The following ZNF362 variants were observed in gnomAD, a reference collection of about 807,000 sequenced individuals.
ZNF362 encodes zinc finger protein 362, also known as rotund homolog.
Under a neutral mutation model 42.9 loss-of-function variants are expected in ZNF362, and 11 were observed. That is an observed-to-expected ratio of 0.26 (90% CI 0.16 to 0.42). The LOEUF (loss-of-function observed/expected upper bound fraction) is 0.42, where lower values mean the gene tolerates loss of function less well. Among genes scored for constraint, ZNF362 ranks in the 20% least tolerant of loss-of-function variants. The pLI is 1.00. For missense variants in ZNF362, 362 were observed against 576.2 expected (o/e 0.63, Z 3.81); for synonymous variants, 255 against 257.3 (o/e 0.99, Z 0.09).
chr1:33,182,759 A>T, the ZNF362 span, among the ~76,000 whole-genome samples: 1 of 151,464 alleles, frequency 6.6e-6, no homozygotes, highest in Admixed American at 6.6e-5. Context: ...AAAAGCATAG[A>T]GGCGTGAAAG....
In ZNF362 at chr1:33,280,558, G is replaced by C; in HGVS notation, c.683+101G>C. Reference sequence around the variant, plus strand: ...CAGCGGGGCTGAAACAGGACCCTTAGGGCTGAGGGGCAGGGCTAGGGTCCA... The same window carrying C: ...CAGCGGGGCTGAAACAGGACCCTTACGGCTGAGGGGCAGGGCTAGGGTCCA... On this transcript the variant is annotated intron_variant, in intron 5 of 8. Coordinates refer to ENST00000539719, the MANE Select transcript of ZNF362 (RefSeq NM_152493.3). This position sits in a 1 kb window ranked among gnomAD's most constrained non-coding sequence, Gnocchi z 5.6. 2.7e-6 allele frequency: 4 copies of C among 1,455,658 alleles called. No individual in the cohort carries two copies. The South Asian group carries it at 4.3e-5, about 16-fold the overall frequency. The allele number at this position is 1,455,658 out of a possible 1,614,324, so 90.2% of individuals were successfully genotyped here.
At chr1:33,276,658 G>A (rs941536885) in intron 4 of ZNF362, 64 bp downstream of exon 4, 72 of 1,289,926 alleles carry the variant, frequency 5.6e-5, no homozygotes, top group Non-Finnish European at 6.9e-5. Flanking sequence ...CGGGCGTAGC[G>A]GGGGACTTGG....
In ZNF362 at chr1:33,266,486, GTA is replaced by G. The variant is rs1645865640; in HGVS notation, c.-88-3998_-88-3997del. Reference sequence around the variant, plus strand: ...GGAGAAGGCAGGGGACCATGGGAGTGTATAACAGGGTAGCCCAATTCCTATGT... The same window carrying G: ...GGAGAAGGCAGGGGACCATGGGAGTGTAACAGGGTAGCCCAATTCCTATGT... On this transcript the variant is annotated intron_variant, in intron 1 of 8. Coordinates refer to ENST00000539719, the MANE Select transcript of ZNF362 (RefSeq NM_152493.3). This position sits in a 1 kb window ranked among gnomAD's most constrained non-coding sequence, Gnocchi z 4.3. Among the ~76,000 whole-genome samples, 1 of 152,198 alleles carries G rather than the reference GTA, an allele frequency of 6.6e-6. No homozygotes were observed. Among genetic ancestry groups the G allele is most frequent in the African/African-American group, 2.4e-5 (1 of 41,436 alleles).
chr1:33,240,977 G>A, the ZNF362 span, among the ~76,000 whole-genome samples: 2 of 152,194 alleles, frequency 1.3e-5, no homozygotes, highest in South Asian at 2.1e-4. Flanking sequence ...ACACGAAGCT[G>A]TGCATGCAGT....
At chr1:33,288,855 CAG>C (rs1646052947) in intron 6 of ZNF362, among the ~76,000 whole-genome samples, 1 of 150,770 alleles carries the variant, frequency 6.6e-6, no homozygotes, top group South Asian at 2.1e-4. Context: ...AGATGCCCTA[CAG>C]AGAGAGGATT....
chr1:33,189,662 T>TACAC, the ZNF362 span, among the ~76,000 whole-genome samples: 1 of 23,964 alleles, frequency 4.2e-5, no homozygotes, highest in African/African-American at 9.1e-5. Context: ...TATATATATA[T>TACAC]ATATATATAT....
chr1:33,181,301 C>G, the ZNF362 span: 2 of 1,554,498 alleles, frequency 1.3e-6, no homozygotes, highest in Non-Finnish European at 1.7e-6. The surrounding 1 kb of genome is among the most constrained non-coding windows in gnomAD (Gnocchi z 6.5). Context: ...GGGCGCCCTG[C>G]GCCTCCTGCC....
At chr1:33,189,685 G>GTATATATA in the ZNF362 span, among the ~76,000 whole-genome samples, 14 of 10,950 alleles carry the variant, frequency 1.3e-3, no homozygotes, top group Non-Finnish European at 1.9e-3. Context: ...ATATATATAC[G>GTATATATA]TATATATATA....
the ZNF362 span, among the ~76,000 whole-genome samples, chr1:33,187,403 C>T: frequency 6.6e-6 from 1 of 152,192 alleles, no homozygotes; most frequent in Non-Finnish European, 1.5e-5. Context: ...GTTTCATGTT[C>T]TGTCACTGCT....
the ZNF362 span, among the ~76,000 whole-genome samples, chr1:33,162,118 T>A: frequency 6.6e-6 from 1 of 152,218 alleles, no homozygotes; most frequent in Non-Finnish European, 1.5e-5. Flanking sequence ...GCAAACTCAC[T>A]GTCAGAGTGA....
chr1:33,162,868 C>T, the ZNF362 span: 2 of 152,246 alleles, frequency 1.3e-5, no homozygotes, highest in African/African-American at 4.8e-5. Flanking sequence ...GCACTGGGCT[C>T]TGACAGGACT....
the ZNF362 span, among the ~76,000 whole-genome samples, chr1:33,129,747 C>T: frequency 1.3e-5 from 2 of 152,216 alleles, no homozygotes; most frequent in African/African-American, 4.8e-5. This position sits in a 1 kb window ranked among gnomAD's most constrained non-coding sequence, Gnocchi z 4.1. Flanking sequence ...CTCTCCTTTT[C>T]TACTATTTAC....
intron 8 of ZNF362, among the ~76,000 whole-genome samples, chr1:33,295,551 C>T (rs543180322): frequency 5.9e-5 from 9 of 152,336 alleles, no homozygotes; most frequent in East Asian, 1.9e-4. Flanking sequence ...CCTGAGTCTC[C>T]GAGGCCCTGG....
At chr1:33,260,034 G>C (rs1194829905) in intron 1 of ZNF362, among the ~76,000 whole-genome samples, 2 of 152,170 alleles carry the variant, frequency 1.3e-5, no homozygotes, top group Non-Finnish European at 2.9e-5. Context: ...CCCTGCCCTG[G>C]CCAGGCATGT....
At chr1:33,250,796 GAGGAGA>G in the ZNF362 span, among the ~76,000 whole-genome samples, 1 of 148,826 alleles carries the variant, frequency 6.7e-6, no homozygotes, top group East Asian at 2.0e-4. Flanking sequence ...GGAGAAGGAG[GAGGAGA>G]AGGAGAAGAA....
intron 1 of ZNF362, among the ~76,000 whole-genome samples, chr1:33,260,232 G>A (rs1645820243): frequency 6.6e-6 from 1 of 152,142 alleles, no homozygotes; most frequent in Non-Finnish European, 1.5e-5. Context: ...GCATTTATAA[G>A]AAAAAATATC....
intron 8 of ZNF362, 25 bp downstream of exon 8, chr1:33,295,330 T>A (rs1197830083): frequency 1.6e-5 from 26 of 1,608,710 alleles, no homozygotes; most frequent in Non-Finnish European, 2.0e-5. Context: ...GCCTGTGCCC[T>A]GCCCCGGGGG....
chr1:33,257,338 C>T (rs1231655021), intron 1 of ZNF362, among the ~76,000 whole-genome samples: 1 of 151,130 alleles, frequency 6.6e-6, no homozygotes, highest in East Asian at 1.9e-4. Flanking sequence ...AAAAGGGAAG[C>T]TGCCGGGCGA....
At chr1:33,269,148 C>T (rs1394267961) in intron 1 of ZNF362, among the ~76,000 whole-genome samples, 2 of 152,226 alleles carry the variant, frequency 1.3e-5, no homozygotes, top group Non-Finnish European at 2.9e-5. Context: ...CAGGGCCTGG[C>T]ATGCAACAGT....
Sources: allele counts gnomAD v4.1 joint callset (sites outside exome capture counted in the v4.1 genomes callset), GRCh38; gene constraint gnomAD v4.1.1; non-coding constraint Gnocchi (gnomAD v3.1); transcripts MANE v1.5; gene names NCBI Gene and HGNC (gene_info 2026-07-23, HGNC 2026-07-21).